CFAP54: variants seen among roughly 807,000 people sequenced by gnomAD.
CFAP54 encodes cilia- and flagella-associated protein 54.
Under a neutral mutation model 370.4 loss-of-function variants are expected in CFAP54, and 290 were observed. The observed-to-expected ratio is 0.78, with a 90% CI of 0.71 to 0.86. The LOEUF (loss-of-function observed/expected upper bound fraction) is 0.86, where lower values mean the gene tolerates loss of function less well. Among genes scored for constraint, CFAP54 ranks in the 40% least tolerant of loss-of-function variants. The probability of loss-of-function intolerance (pLI) is 0.00; values close to 1 mark genes in which losing one functional copy is unlikely to be tolerated. For missense variants in CFAP54, 3,399 were observed against 3,528.7 expected (o/e 0.96, Z 0.93); for synonymous variants, 1,206 against 1,236.5 (o/e 0.98, Z 0.52).
intron 2 of CFAP54, among the ~76,000 whole-genome samples, chr12:96,502,230 CA>C: frequency 6.6e-6 from 1 of 151,828 alleles, no homozygotes; most frequent in African/African-American, 2.4e-5. Flanking sequence ...ATTAAAGGAA[CA>C]AAGAAAAAGT....
chr12:96,788,488 T>A (rs1232099765), intron 62 of CFAP54, among the ~76,000 whole-genome samples: 2 of 152,208 alleles, frequency 1.3e-5, no homozygotes, highest in African/African-American at 4.8e-5. Context: ...TTGAACTCTT[T>A]AATTTTTATA....
intron 1 of CFAP54, among the ~76,000 whole-genome samples, chr12:96,493,180 T>G (rs966841113): frequency 2.0e-5 from 3 of 152,180 alleles, no homozygotes; most frequent in Non-Finnish European, 4.4e-5. Context: ...TTTTGGCCTT[T>G]ATTTATACAA....
At chr12:96,588,901 G>A (rs1274160510) in intron 22 of CFAP54, among the ~76,000 whole-genome samples, 8 of 152,132 alleles carry the variant, frequency 5.3e-5, no homozygotes, top group Admixed American at 2.6e-4. Flanking sequence ...AACATATAAT[G>A]TCTTCTTGGA....
rs572910891 is a variant in CFAP54 at position 96,628,746 on chromosome 12, G to A, written c.4104-1347G>A. Among the ~76,000 whole-genome samples, 25 of 152,218 alleles carry A rather than the reference G, an allele frequency of 1.6e-4. 1 individual carries two copies. The South Asian group carries it at 4.4e-3, about 27-fold the overall frequency. On this transcript the variant is annotated intron_variant, in intron 30 of 67. Transcript: ENST00000524981. ...GGATTATCTTCATCAAAACTGGAGCGAAGGGACCAAGATGGATTTGGGTCA... is the reference window on the plus strand; with the variant it reads ...GGATTATCTTCATCAAAACTGGAGCAAAGGGACCAAGATGGATTTGGGTCA...
chr12:96,589,287 A>C, intron 22 of CFAP54, 140 bp from the exon 23 acceptor site: 1 of 694,510 alleles, frequency 1.4e-6, no homozygotes, highest in Non-Finnish European at 2.3e-6. Context: ...CAGAACAGCA[A>C]ATGTGAATGA....
intron 17 of CFAP54, 99 bp downstream of exon 17, chr12:96,554,901 A>C: frequency 8.5e-7 from 1 of 1,183,268 alleles, no homozygotes; most frequent in Non-Finnish European, 1.1e-6. Context: ...TGTTGACTTA[A>C]GTTTTCAGAT....
Position 96,533,858 on chromosome 12 carries a change from G to T in CFAP54, c.1424G>T (p.Gly475Val). 2 of 1,534,952 alleles carry T rather than the reference G, an allele frequency of 1.3e-6. No individual in the cohort carries two copies. The highest frequency in any genetic ancestry group is 1.7e-6 in the Non-Finnish European group (2 of 1,146,220). ...PKTSLLELMI[G>V]RKDVISVDAA... is the part of the protein sequence containing the mutation. ...ACATCTCTTCTGGAACTTATGATAG[G>T]AAGAAAAGATGTTATTTCTGTGGAT... Residue 475 changes from glycine (G) to valine (V), a missense_variant, in exon 10 of 68, where the codon GGA (glycine) becomes GTA (valine). Gly to Val is a moderately radical substitution (Grantham distance 109, BLOSUM62 -3). Coordinates refer to ENST00000524981, the MANE Select transcript of CFAP54 (RefSeq NM_001306084.2).
At chr12:96,829,569 A>G (rs923036018) in intron 66 of CFAP54, among the ~76,000 whole-genome samples, 1 of 152,100 alleles carries the variant, frequency 6.6e-6, no homozygotes, top group African/African-American at 2.4e-5. Context: ...TGCCATTTAC[A>G]TAGCTAGATC....
At chr12:96,735,038 A>T (rs932936179) in intron 50 of CFAP54, among the ~76,000 whole-genome samples, 4 of 152,234 alleles carry the variant, frequency 2.6e-5, no homozygotes, top group African/African-American at 9.6e-5. Context: ...ACACCTGGAA[A>T]AATATCTGTC....
intron 4 of CFAP54, among the ~76,000 whole-genome samples, chr12:96,510,888 G>A (rs1955157806): frequency 6.6e-6 from 1 of 151,542 alleles, no homozygotes. Context: ...ACTTGAACCC[G>A]GGAGGTGGAG....
In CFAP54 at chr12:96,591,908, A is replaced by T. The variant is rs909333960; in HGVS notation, c.3213-582A>T. 1.8e-3 allele frequency among the ~76,000 whole-genome samples: 203 copies of T among 111,984 alleles called. 3 individuals carry two copies. The highest frequency in any genetic ancestry group is 3.9e-3 in the African/African-American group (129 of 33,426). The allele number at this position is 111,984 out of a possible 152,430, so 73.5% of individuals were successfully genotyped here. A position where few individuals can be genotyped will look rare whatever the true frequency, so the allele number is the denominator to read the frequency against. ...TCCGTCTCAAAAAAAAAAAAAAGAA[A>T]TATTTTTTTTTTTTTGTGGGGAATG... On this transcript the variant is annotated intron_variant, in intron 23 of 67. Transcript: ENST00000524981.
At chr12:96,512,576 C>T (rs1441628667) in intron 4 of CFAP54, among the ~76,000 whole-genome samples, 1 of 151,636 alleles carries the variant, frequency 6.6e-6, no homozygotes, top group Non-Finnish European at 1.5e-5. Flanking sequence ...CTCCTGACCT[C>T]GTGATCCTCC....
Position 96,489,606 on chromosome 12 carries a change from C to G in CFAP54, c.-4C>G. On this transcript the variant is annotated 5_prime_UTR_variant, in exon 1 of 68. Coordinates refer to ENST00000524981, the MANE Select transcript of CFAP54 (RefSeq NM_001306084.2). The stretch of plus-strand genomic sequence containing the variant: ...ATACTCCAGGCGGGCCGGGGCGCGT[C>G]AATATGGCGGCGCAGGGCTCCCCCT... 1 of 1,514,226 alleles carries G rather than the reference C, an allele frequency of 6.6e-7. No individual in the cohort carries two copies. Among genetic ancestry groups the G allele is most frequent in the Non-Finnish European group, 8.8e-7 (1 of 1,131,476 alleles). The allele number at this position is 1,514,226 out of a possible 1,614,324, so 93.8% of individuals were successfully genotyped here.
In CFAP54 at chr12:96,743,817, C is replaced by T. The variant is rs1958080422; in HGVS notation, c.7464C>T (p.Asp2488=). The change falls in exon 54 of 68, where the codon GAC becomes GAT. Residue 2488 remains aspartate (D), a synonymous_variant. Transcript: ENST00000524981. ...CAAGAAGCCTAGTTTTGCTGGATGA[C>T]TTAACCAAAGCTGAGAAATTCAAGG... ...TLARSLVLLD[D]LTKAEKFKES... 6.2e-7 allele frequency: 1 copy of T among 1,613,892 alleles called. No individual in the cohort carries two copies. The highest frequency in any genetic ancestry group is 8.5e-7 in the Non-Finnish European group (1 of 1,179,866).
intron 65 of CFAP54, among the ~76,000 whole-genome samples, chr12:96,827,779 T>C (rs1959136088): frequency 1.3e-5 from 1 of 79,954 alleles, no homozygotes; most frequent in Non-Finnish European, 2.5e-5. Flanking sequence ...TATATATAGT[T>C]ATATATAATA....
At chr12:96,629,195 G>A (rs1253919039) in intron 30 of CFAP54, among the ~76,000 whole-genome samples, 1 of 152,148 alleles carries the variant, frequency 6.6e-6, no homozygotes, top group Non-Finnish European at 1.5e-5. Flanking sequence ...TCTGTTCCAT[G>A]TACATCATGC....
At chr12:96,625,648 G>A in intron 28 of CFAP54, 70 bp from the exon 29 acceptor site, 1 of 888,566 alleles carries the variant, frequency 1.1e-6, no homozygotes, top group Non-Finnish European at 1.7e-6. Context: ...TTGTTATTGT[G>A]AATTACTCAA....
intron 63 of CFAP54, among the ~76,000 whole-genome samples, chr12:96,798,599 A>G (rs1360380071): frequency 6.6e-6 from 1 of 152,142 alleles, no homozygotes; most frequent in African/African-American, 2.4e-5. Flanking sequence ...CTCTGGAACT[A>G]AACTGCCTAG....
intron 22 of CFAP54, among the ~76,000 whole-genome samples, chr12:96,586,711 A>G (rs572623740): frequency 5.9e-5 from 9 of 152,240 alleles, no homozygotes; most frequent in Non-Finnish European, 1.3e-4. Context: ...GTAGATGGGG[A>G]GCAGATCATG....
Sources: allele counts gnomAD v4.1 joint callset (sites outside exome capture counted in the v4.1 genomes callset), GRCh38; gene constraint gnomAD v4.1.1; transcripts MANE v1.5; gene names NCBI Gene and HGNC (gene_info 2026-07-23, HGNC 2026-07-21).